Variants in CPPED1 observed in about 807,000 individuals in gnomAD.
The protein encoded by CPPED1 is serine/threonine-protein phosphatase CPPED1.
CPPED1 carries 28 observed loss-of-function variants against 28.0 expected under a neutral mutation model. The observed-to-expected ratio is 1.00, with a 90% CI of 0.74 to 1.37. The LOEUF (loss-of-function observed/expected upper bound fraction) is 1.37, where lower values mean the gene tolerates loss of function less well. CPPED1 is among the 40% of genes most tolerant of loss of function. The pLI, the probability that CPPED1 is intolerant of heterozygous loss-of-function variation, is 0.00. For synonymous variants in CPPED1, 198 were observed against 180.2 expected, an observed-to-expected ratio of 1.10 and a Z score of -0.79; for missense variants, 504 against 416.5, an observed-to-expected ratio of 1.21 and a Z score of -1.83.
chr16:12,692,337 G>C (rs918574401), intron 3 of CPPED1, among the ~76,000 whole-genome samples: 1 of 152,114 alleles, frequency 6.6e-6, no homozygotes, highest in African/African-American at 2.4e-5. Context: ...GGCAACACTC[G>C]GCAGTGGGTC....
intron 3 of CPPED1, among the ~76,000 whole-genome samples, chr16:12,687,048 G>A (rs1596445829): frequency 6.6e-6 from 1 of 152,076 alleles, no homozygotes; most frequent in East Asian, 1.9e-4. Flanking sequence ...ATAAATGGCT[G>A]CATTTAGGAT....
At chr16:12,689,093 G>A (rs1016925388) in intron 3 of CPPED1, among the ~76,000 whole-genome samples, 5 of 152,066 alleles carry the variant, frequency 3.3e-5, no homozygotes, top group South Asian at 2.1e-4. Flanking sequence ...TTAAATGAAC[G>A]TGGTATGTCT....
At chr16:12,775,681 G>A (rs1372835853) in intron 2 of CPPED1, among the ~76,000 whole-genome samples, 2 of 152,146 alleles carry the variant, frequency 1.3e-5, no homozygotes, top group African/African-American at 4.8e-5. Context: ...AGCTCCATCT[G>A]CTGCTCTGGG....
intron 3 of CPPED1, among the ~76,000 whole-genome samples, chr16:12,676,064 T>G (rs1316156589): frequency 6.6e-6 from 1 of 152,176 alleles, no homozygotes; most frequent in Non-Finnish European, 1.5e-5. Flanking sequence ...AAGAGGTTCT[T>G]CACTTTTCGT....
chr16:12,665,469 T>C (rs1325780163), intron 3 of CPPED1, among the ~76,000 whole-genome samples: 1 of 152,060 alleles, frequency 6.6e-6, no homozygotes, highest in African/African-American at 2.4e-5. Flanking sequence ...TATAGAAATA[T>C]CCAGATGACA....
At chr16:12,753,717 A>G (rs1011444293) in intron 2 of CPPED1, 1 of 151,992 alleles carries the variant, frequency 6.6e-6, no homozygotes, top group Non-Finnish European at 1.5e-5. Flanking sequence ...CCTAATGTGA[A>G]CACACTTCCC....
intron 1 of CPPED1, among the ~76,000 whole-genome samples, chr16:12,790,398 A>G (rs1376159398): frequency 6.6e-6 from 1 of 152,218 alleles, no homozygotes; most frequent in Non-Finnish European, 1.5e-5. Flanking sequence ...CACTATTACC[A>G]GTTAAGCAAT....
intron 3 of CPPED1, among the ~76,000 whole-genome samples, chr16:12,689,742 T>C (rs1372432066): frequency 6.6e-6 from 1 of 152,090 alleles, no homozygotes; most frequent in African/African-American, 2.4e-5. Context: ...ATGCCCACAT[T>C]AGCTCCTGAG....
At chr16:12,772,920 A>G (rs1464960717) in intron 2 of CPPED1, among the ~76,000 whole-genome samples, 1 of 152,244 alleles carries the variant, frequency 6.6e-6, no homozygotes, top group African/African-American at 2.4e-5. Context: ...CCTGTAATGA[A>G]ATCCAGTAAT....
chr16:12,684,114 C>T (rs9923547), intron 3 of CPPED1, among the ~76,000 whole-genome samples: 73 of 152,116 alleles, frequency 4.8e-4, no homozygotes, highest in Middle Eastern at 6.8e-3. Context: ...GGTCTGGAGA[C>T]GGAGTGTTTC....
chr16:12,739,118 C>A (rs545755528), intron 2 of CPPED1, among the ~76,000 whole-genome samples: 5 of 152,168 alleles, frequency 3.3e-5, no homozygotes, highest in Non-Finnish European at 5.9e-5. Context: ...TGTTTCTAAT[C>A]CCAAAATAAA....
At chr16:12,737,326 GAGA>G (rs1356512269) in intron 2 of CPPED1, among the ~76,000 whole-genome samples, 11 of 152,256 alleles carry the variant, frequency 7.2e-5, no homozygotes, top group Admixed American at 5.2e-4. Context: ...TGGGAAGAAG[GAGA>G]AGAAGGGAGA....
At chr16:12,756,136 AC>A (rs200120088) in intron 2 of CPPED1, among the ~76,000 whole-genome samples, 2,917 of 151,194 alleles carry the variant, frequency 0.019, 112 homozygotes, top group African/African-American at 0.067. Flanking sequence ...GTCAAAAAAA[AC>A]AAAAAAAAAT....
intron 2 of CPPED1, among the ~76,000 whole-genome samples, chr16:12,770,777 G>A (rs894245295): frequency 2.7e-4 from 41 of 151,732 alleles, no homozygotes; most frequent in African/African-American, 7.8e-4. Context: ...AGCCGAGATC[G>A]CGCCATTGCA....
chr16:12,799,705 A>AACATT, intron 1 of CPPED1, among the ~76,000 whole-genome samples: 1 of 152,178 alleles, frequency 6.6e-6, no homozygotes, highest in Non-Finnish European at 1.5e-5. Flanking sequence ...AATGAGTGCA[A>AACATT]TGGAAGCAGC....
At chr16:12,666,664 T>C (rs1316832173) in intron 3 of CPPED1, among the ~76,000 whole-genome samples, 1 of 152,176 alleles carries the variant, frequency 6.6e-6, no homozygotes, top group African/African-American at 2.4e-5. Flanking sequence ...GCCCATTACA[T>C]ATACATCAGA....
chr16:12,691,216 C>T (rs1474734192), intron 3 of CPPED1, among the ~76,000 whole-genome samples: 2 of 152,196 alleles, frequency 1.3e-5, no homozygotes, highest in Admixed American at 1.3e-4. Flanking sequence ...AGCAAGAGTC[C>T]CTGTGGTGTA....
intron 1 of CPPED1, among the ~76,000 whole-genome samples, chr16:12,795,598 C>A (rs1042861748): frequency 1.3e-5 from 2 of 152,182 alleles, no homozygotes; most frequent in Admixed American, 1.3e-4. Context: ...CCTCAGCCTC[C>A]CAAAGTGTTA....
At chr16:12,758,780 A>G (rs1020743039) in intron 2 of CPPED1, among the ~76,000 whole-genome samples, 2 of 152,206 alleles carry the variant, frequency 1.3e-5, no homozygotes, top group South Asian at 4.1e-4. Flanking sequence ...CTTCTGGAGC[A>G]GTGTTCAGGA....
Sources: gnomAD v4.1 joint callset for allele counts (sites outside exome capture counted in the v4.1 genomes callset) on GRCh38, gnomAD v4.1.1 for gene constraint, MANE v1.5 for transcripts, NCBI Gene and HGNC (gene_info 2026-07-23, HGNC 2026-07-21) for gene names.